Variants in UNC5C observed in about 807,000 individuals in gnomAD.
UNC5C encodes unc-5 netrin receptor C.
A neutral mutation model predicts 99.8 loss-of-function variants in UNC5C; 47 were observed. That is an observed-to-expected ratio of 0.47 (90% CI 0.37 to 0.60). The LOEUF is 0.60. UNC5C is among the 20% of genes least tolerant of loss of function. UNC5C has a pLI of 0.00. For missense variants in UNC5C, 1,062 were observed against 1,165.9 expected, an observed-to-expected ratio of 0.91 and a Z score of 1.30; for synonymous variants, 487 against 452.2, an observed-to-expected ratio of 1.08 and a Z score of -0.98.
At chr4:95,506,619 C>T (rs1056968093) in intron 1 of UNC5C, among the ~76,000 whole-genome samples, 1 of 151,508 alleles carries the variant, frequency 6.6e-6, no homozygotes, top group Admixed American at 6.6e-5. Flanking sequence ...GGGAAGAAAA[C>T]CCTAGCAAAA....
At chr4:95,417,006 T>G (rs2149454393) in intron 1 of UNC5C, among the ~76,000 whole-genome samples, 1 of 152,274 alleles carries the variant, frequency 6.6e-6, no homozygotes, top group South Asian at 2.1e-4. Context: ...ATAAGGTAGA[T>G]TCTATGACAA....
intron 1 of UNC5C, among the ~76,000 whole-genome samples, chr4:95,360,441 A>G (rs1328531765): frequency 6.6e-6 from 1 of 152,198 alleles, no homozygotes; most frequent in Non-Finnish European, 1.5e-5. Context: ...TCCACAGAGT[A>G]AGAGATTAGC....
At position 95,170,177 on chromosome 4, in the gene UNC5C, C is replaced by T; in HGVS notation, c.2607G>A (p.Leu869=). 5 of 1,614,112 alleles carry T rather than the reference C, an allele frequency of 3.1e-6. No homozygotes were observed. Among genetic ancestry groups the T allele is most frequent in the Non-Finnish European group, 4.2e-6 (5 of 1,180,020 alleles). The part of the protein sequence containing the change: ...PQTRGHDWRM[L]AHKLNLDRYL... ...ACCTGTCCAGGTTCAGCTTATGGGC[C>T]AGCATCCTCCAGTCATGGCCTCTCG... The change falls in exon 15 of 16, where the codon CTG becomes CTA. Residue 869 remains leucine (L), a synonymous_variant. Transcript: ENST00000453304.
chr4:95,520,898 C>CTTTATTG (rs1722338056), intron 1 of UNC5C, among the ~76,000 whole-genome samples: 1 of 152,042 alleles, frequency 6.6e-6, no homozygotes, highest in African/African-American at 2.4e-5. Flanking sequence ...CGCGCCCGGC[C>CTTTATTG]TAGTATATCC....
intron 10 of UNC5C, among the ~76,000 whole-genome samples, chr4:95,214,022 G>A (rs1028899324): frequency 6.6e-6 from 1 of 152,130 alleles, no homozygotes. Context: ...ATTCCCCTGT[G>A]CCTCAGTTTC....
chr4:95,224,603 AATTC>A lies in UNC5C; in HGVS notation c.1109-4431_1109-4428del, dbSNP rs35707866. Among the ~76,000 whole-genome samples, 876 of 150,964 alleles carry A rather than the reference AATTC, an allele frequency of 5.8e-3. 3 individuals are homozygous for A. The highest frequency in any genetic ancestry group is 8.9e-3 in the East Asian group (45 of 5,050). ...AATCTCATTCCAGGCACAGAATTGGAATTCATTCATTCATTCATTCATTCATTCA... is the reference window on the plus strand; with the variant it reads ...AATCTCATTCCAGGCACAGAATTGGAATTCATTCATTCATTCATTCATTCA... On this transcript the variant is annotated intron_variant, in intron 7 of 15. Transcript: ENST00000453304.
intron 13 of UNC5C, 60 bp downstream of exon 13, chr4:95,184,987 A>C (rs925403122): frequency 1.4e-6 from 2 of 1,466,236 alleles, no homozygotes; most frequent in Non-Finnish European, 1.8e-6. Flanking sequence ...ATGTCTATAT[A>C]ATTTTAGACC....
At chr4:95,543,467 A>G (rs1460917384) in intron 1 of UNC5C, among the ~76,000 whole-genome samples, 3 of 152,198 alleles carry the variant, frequency 2.0e-5, no homozygotes, top group African/African-American at 7.2e-5. Flanking sequence ...GAAACTTCCT[A>G]TTGCAAATAT....
At chr4:95,486,492 T>C (rs973637615) in intron 1 of UNC5C, among the ~76,000 whole-genome samples, 1 of 151,640 alleles carries the variant, frequency 6.6e-6, no homozygotes, top group Non-Finnish European at 1.5e-5. Flanking sequence ...CTTGACACAC[T>C]GGTTTCCCAA....
intron 4 of UNC5C, 36 bp downstream of exon 4, chr4:95,278,223 G>T: frequency 6.5e-7 from 1 of 1,535,150 alleles, no homozygotes; most frequent in Non-Finnish European, 9.0e-7. Flanking sequence ...ATAACTTAGT[G>T]CCAATTGCTA....
At chr4:95,471,820 G>A (rs1747978097) in intron 1 of UNC5C, among the ~76,000 whole-genome samples, 1 of 151,422 alleles carries the variant, frequency 6.6e-6, no homozygotes, top group Non-Finnish European at 1.5e-5. Flanking sequence ...ACGCCTGTAT[G>A]CATTTTGTCT....
chr4:95,237,422 A>G (rs1015314159), intron 7 of UNC5C, among the ~76,000 whole-genome samples: 3 of 152,196 alleles, frequency 2.0e-5, no homozygotes, highest in African/African-American at 7.2e-5. Context: ...TAGCATTATT[A>G]TATCTTTAAA....
intron 1 of UNC5C, among the ~76,000 whole-genome samples, chr4:95,397,914 A>G (rs960864307): frequency 2.0e-5 from 3 of 152,168 alleles, no homozygotes; most frequent in Non-Finnish European, 4.4e-5. Flanking sequence ...GAGCAGTAGC[A>G]TTATTAATTG....
chr4:95,531,805 C>A (rs568334841), intron 1 of UNC5C, among the ~76,000 whole-genome samples: 1 of 152,196 alleles, frequency 6.6e-6, no homozygotes, highest in Non-Finnish European at 1.5e-5. Flanking sequence ...GTGCCCTGCA[C>A]GAGACTTGTT....
At chr4:95,498,589 T>A (rs1431860299) in intron 1 of UNC5C, among the ~76,000 whole-genome samples, 2 of 152,048 alleles carry the variant, frequency 1.3e-5, no homozygotes, top group African/African-American at 4.8e-5. Flanking sequence ...CACTGATTTG[T>A]TGTATCCCAA....
intron 3 of UNC5C, among the ~76,000 whole-genome samples, chr4:95,279,308 C>T (rs942346308): frequency 1.3e-5 from 2 of 152,062 alleles, no homozygotes; most frequent in African/African-American, 4.8e-5. Flanking sequence ...CTCACATATC[C>T]CAGGCATCTA....
At chr4:95,180,266 C>T (rs535821468) in intron 14 of UNC5C, among the ~76,000 whole-genome samples, 1 of 152,162 alleles carries the variant, frequency 6.6e-6, no homozygotes, top group Non-Finnish European at 1.5e-5. Context: ...ATGGAACAGC[C>T]TACTTGGGAA....
At chr4:95,180,244 C>T (rs1390973172) in intron 14 of UNC5C, among the ~76,000 whole-genome samples, 1 of 152,194 alleles carries the variant, frequency 6.6e-6, no homozygotes, top group African/African-American at 2.4e-5. Context: ...GTAATTGGCC[C>T]TATCTATCTC....
chr4:95,459,589 C>T (rs896869839), intron 1 of UNC5C, among the ~76,000 whole-genome samples: 2 of 152,132 alleles, frequency 1.3e-5, no homozygotes, highest in Non-Finnish European at 2.9e-5. Context: ...CAAGCCAATT[C>T]AATGCAGTGG....
Sources: allele counts gnomAD v4.1 joint callset (sites outside exome capture counted in the v4.1 genomes callset), GRCh38; gene constraint gnomAD v4.1.1; transcripts MANE v1.5; gene names NCBI Gene and HGNC (gene_info 2026-07-23, HGNC 2026-07-21).